Variants in CLSTN2 observed in about 807,000 individuals in gnomAD.
CLSTN2 encodes calsyntenin-2.
In CLSTN2, 48 loss-of-function variants were observed where a neutral mutation model predicts 101.2. The observed-to-expected ratio is 0.47, with a 90% CI of 0.38 to 0.60. The LOEUF (loss-of-function observed/expected upper bound fraction) is 0.60. CLSTN2 is among the 20% of genes least tolerant of loss of function. CLSTN2 has a pLI of 0.00. For missense variants in CLSTN2, 1,160 were observed against 1,238.2 expected (o/e 0.94, Z 0.95); for synonymous variants, 481 against 463.6 (o/e 1.04, Z -0.48).
chr3:140,463,117 C>T (rs1933601677), intron 7 of CLSTN2, among the ~76,000 whole-genome samples: 1 of 152,230 alleles, frequency 6.6e-6, no homozygotes. Context: ...CTCCATTCCT[C>T]CCATGAACAG....
chr3:140,086,283 A>C (rs546951755), intron 1 of CLSTN2, among the ~76,000 whole-genome samples: 1 of 152,184 alleles, frequency 6.6e-6, no homozygotes, highest in East Asian at 1.9e-4. Flanking sequence ...ATGGGATAGC[A>C]GAGCTGTAGT....
rs1478527348 is a variant in CLSTN2, at chr3:140,419,752, C to T, written c.638-1373C>T. Among the ~76,000 whole-genome samples, 4 of 62,514 alleles carry T rather than the reference C, an allele frequency of 6.4e-5. 2 individuals carry two copies. Among genetic ancestry groups the T allele is most frequent in the East Asian group, 1.3e-3 (2 of 1,532 alleles). The allele number at this position is 62,514 out of a possible 152,430, so 41.0% of individuals were successfully genotyped here. A position where few individuals can be genotyped will look rare whatever the true frequency, so the allele number is the denominator to read the frequency against. ...ATACATGTATATACGTATATATACA[C>T]ATATACGTGTATACACGTGTATACA... On this transcript the variant is annotated intron_variant, in intron 4 of 16. Transcript: ENST00000458420.
intron 1 of CLSTN2, among the ~76,000 whole-genome samples, chr3:139,961,285 T>A (rs1935504426): frequency 6.6e-6 from 1 of 152,318 alleles, no homozygotes; most frequent in East Asian, 1.9e-4. Context: ...AAAAGGAAGG[T>A]GTTTTAAGAA....
At chr3:140,514,408 C>T (rs1391839954) in intron 8 of CLSTN2, among the ~76,000 whole-genome samples, 3 of 152,132 alleles carry the variant, frequency 2.0e-5, no homozygotes, top group African/African-American at 7.2e-5. Flanking sequence ...GAATTATGGT[C>T]TCCAATTCCA....
At chr3:140,108,235 T>G (rs2009095923) in intron 1 of CLSTN2, among the ~76,000 whole-genome samples, 2 of 152,246 alleles carry the variant, frequency 1.3e-5, no homozygotes, top group African/African-American at 4.8e-5. Context: ...CAGTCATAAC[T>G]TGCATGGCTG....
At chr3:140,085,334 A>G (rs2107783096) in intron 1 of CLSTN2, among the ~76,000 whole-genome samples, 1 of 152,298 alleles carries the variant, frequency 6.6e-6, no homozygotes, top group African/African-American at 2.4e-5. Flanking sequence ...ATTTTCTTAC[A>G]GTGACAAGCT....
At chr3:140,332,070 T>C (rs1001331457) in intron 2 of CLSTN2, among the ~76,000 whole-genome samples, 2 of 152,216 alleles carry the variant, frequency 1.3e-5, no homozygotes, top group South Asian at 4.1e-4. Context: ...AGAACAGTGA[T>C]AGAGGGAAGC....
At chr3:140,211,425 C>CACACACACACAG (rs2010853601) in intron 2 of CLSTN2, among the ~76,000 whole-genome samples, 2 of 148,310 alleles carry the variant, frequency 1.3e-5, no homozygotes, top group African/African-American at 2.5e-5. Context: ...CACACACACA[C>CACACACACACAG]AGTATATATA....
chr3:140,499,238 C>A (rs78997824), intron 8 of CLSTN2, among the ~76,000 whole-genome samples: 14,425 of 152,226 alleles, frequency 0.095, 766 homozygotes, highest in Middle Eastern at 0.15. Context: ...CAGAGTTTGT[C>A]ATCTGAAGAC....
intron 1 of CLSTN2, among the ~76,000 whole-genome samples, chr3:140,173,092 G>T (rs1337594174): frequency 6.6e-6 from 1 of 152,160 alleles, no homozygotes; most frequent in African/African-American, 2.4e-5. Context: ...TGTCATCTGA[G>T]ACAAGGCAAG....
At chr3:140,354,767 T>C (rs1394383903) in intron 2 of CLSTN2, among the ~76,000 whole-genome samples, 1 of 152,234 alleles carries the variant, frequency 6.6e-6, no homozygotes, top group Non-Finnish European at 1.5e-5. Flanking sequence ...ACCTTTTGTA[T>C]AAGACAGACT....
chr3:140,256,432 T>A (rs2086604716), intron 2 of CLSTN2, among the ~76,000 whole-genome samples: 1 of 152,206 alleles, frequency 6.6e-6, no homozygotes, highest in African/African-American at 2.4e-5. Flanking sequence ...TTCACTTCAC[T>A]GAGGTTTATA....
At chr3:140,247,962 G>C (rs921110376) in intron 2 of CLSTN2, among the ~76,000 whole-genome samples, 3 of 152,148 alleles carry the variant, frequency 2.0e-5, no homozygotes, top group African/African-American at 7.2e-5. Flanking sequence ...CAGTCACAAG[G>C]ATTTTTTAAA....
chr3:140,261,144 C>T (rs1433338526), intron 2 of CLSTN2, among the ~76,000 whole-genome samples: 1 of 151,306 alleles, frequency 6.6e-6, no homozygotes, highest in East Asian at 1.9e-4. Flanking sequence ...TATACATAAC[C>T]CACACCTTCT....
chr3:140,443,482 A>G (rs753218562), intron 5 of CLSTN2, among the ~76,000 whole-genome samples: 39 of 152,230 alleles, frequency 2.6e-4, no homozygotes, highest in Non-Finnish European at 4.7e-4. Context: ...TAATAAAATC[A>G]TCATCTTTCT....
chr3:140,145,908 G>C, intron 1 of CLSTN2, among the ~76,000 whole-genome samples: 1 of 152,256 alleles, frequency 6.6e-6, no homozygotes, highest in African/African-American at 2.4e-5. Context: ...TTGTCTATGA[G>C]TGAGACTGCC....
At chr3:140,141,422 G>T (rs533132623) in intron 1 of CLSTN2, among the ~76,000 whole-genome samples, 6 of 152,340 alleles carry the variant, frequency 3.9e-5, no homozygotes, top group Non-Finnish European at 8.8e-5. Context: ...ACAGGCAGGA[G>T]TGACAGAGAT....
At chr3:140,130,434 G>A (rs1448632799) in intron 1 of CLSTN2, among the ~76,000 whole-genome samples, 1 of 152,168 alleles carries the variant, frequency 6.6e-6, no homozygotes, top group Non-Finnish European at 1.5e-5. Context: ...AACCCTCCTG[G>A]AAGTTTTGCC....
In CLSTN2 at chr3:139,952,270, T is replaced by C. The variant is rs568835906; in HGVS notation, c.109+16787T>C. Among the ~76,000 whole-genome samples, 63 of 152,322 alleles carry C rather than the reference T, an allele frequency of 4.1e-4. No individual in the cohort carries two copies. The South Asian group carries it at 5.6e-3, about 14-fold the overall frequency. On this transcript the variant is annotated intron_variant, in intron 1 of 16. Transcript: ENST00000458420. ...ATTCTAAAATCAACACCATTCCTTA[T>C]GCGTCACCATATTTTCGATTATAAT... is the stretch of plus-strand genomic sequence containing the variant.
Sources: gnomAD v4.1 joint callset for allele counts (sites outside exome capture counted in the v4.1 genomes callset) on GRCh38, gnomAD v4.1.1 for gene constraint, MANE v1.5 for transcripts, NCBI Gene and HGNC (gene_info 2026-07-23, HGNC 2026-07-21) for gene names.